Variants in MEF2D observed in about 807,000 individuals in gnomAD.
MEF2D encodes the protein myocyte-specific enhancer factor 2D.
Under a neutral mutation model 59.3 loss-of-function variants are expected in MEF2D, and 10 were observed. That is an observed-to-expected ratio of 0.17 (90% CI 0.10 to 0.29). MEF2D has a LOEUF of 0.29. MEF2D is among the 10% of genes least tolerant of loss of function. MEF2D has a pLI of 1.00. For missense variants in MEF2D, 508 were observed against 699.4 expected (o/e 0.73, Z 3.09); for synonymous variants, 305 against 295.0 (o/e 1.03, Z -0.35).
Position 156,467,630 on chromosome 1 carries a change from G to A in MEF2D, c.*15C>T. The stretch of plus-strand genomic sequence containing the variant: ...CTCTTCATCAGGGAGGCTGAGAGGA[G>A]GGGAGTGGGAATCGTCACTTTAATG... On this transcript the variant is annotated 3_prime_UTR_variant, in exon 12 of 12. Coordinates refer to ENST00000348159, the MANE Select transcript of MEF2D (RefSeq NM_005920.4). 1.5e-6 allele frequency: 2 copies of A among 1,322,014 alleles called. No homozygotes were observed. Among genetic ancestry groups the A allele is most frequent in the Non-Finnish European group, 1.9e-6 (2 of 1,026,782 alleles). 81.9% of individuals were successfully genotyped at this position (1,322,014 alleles called of 1,614,324 possible). A position where few individuals can be genotyped will look rare whatever the true frequency, so the allele number is the denominator to read the frequency against.
Position 156,468,125 on chromosome 1 carries a change from G to C in MEF2D, c.1422C>G (p.Ala474=). ...PEPGDGLSSP[A]GGSYETGDRD... ...GGTCTCCCGTCTCATAGGATCCCCC[G>C]GCTGGGCTGCTGAGACCATCGCCAG... Residue 474 remains alanine (A), a synonymous_variant, in exon 11 of 12, where the codon GCC becomes GCG. Transcript: ENST00000348159. This position sits in a 1 kb window ranked among gnomAD's most constrained non-coding sequence, Gnocchi z 4.3. 6.2e-7 allele frequency: 1 copy of C among 1,614,026 alleles called. No individual in the cohort carries two copies. Among genetic ancestry groups the C allele is most frequent in the Admixed American group, 1.7e-5 (1 of 60,016 alleles).
At position 156,467,475 on chromosome 1, in the gene MEF2D, A is replaced by T. The variant is rs887106987; in HGVS notation, c.*170T>A. On this transcript the variant is annotated 3_prime_UTR_variant, in exon 12 of 12. Transcript: ENST00000348159. ...CGAGAATCCAAATTAAAAAAAATAT[A>T]ATAATAATAATAATAATATAATAAT... The T allele has an allele frequency of 3.3e-5, 10 of 303,722 alleles. No individual in the cohort carries two copies. The highest frequency in any genetic ancestry group is 3.1e-4 in the East Asian group (5 of 15,972). 18.8% of individuals were successfully genotyped at this position (303,722 alleles called of 1,614,324 possible).
chr1:156,493,168 G>C (rs1672915106), intron 1 of MEF2D, among the ~76,000 whole-genome samples: 2 of 152,194 alleles, frequency 1.3e-5, no homozygotes, highest in Non-Finnish European at 2.9e-5. Flanking sequence ...TGGGACATGA[G>C]AGCTAAGAGA....
chr1:156,478,963 T>C (rs1250203213), intron 6 of MEF2D, among the ~76,000 whole-genome samples: 1 of 152,208 alleles, frequency 6.6e-6, no homozygotes, highest in Non-Finnish European at 1.5e-5. Context: ...GTTGTTTGTC[T>C]AGGGAACGCC....
chr1:156,472,031 G>A (rs1671264474), intron 9 of MEF2D, among the ~76,000 whole-genome samples: 1 of 152,190 alleles, frequency 6.6e-6, no homozygotes, highest in African/African-American at 2.4e-5. Context: ...TCCCAGGTTG[G>A]CTGACACCAA....
At chr1:156,493,721 C>T (rs1030469376) in intron 1 of MEF2D, among the ~76,000 whole-genome samples, 1 of 152,170 alleles carries the variant, frequency 6.6e-6, no homozygotes, top group Non-Finnish European at 1.5e-5. Flanking sequence ...CTCTGCCTAC[C>T]AAGTTTTCCT....
chr1:156,467,950 G>C, intron 11 of MEF2D, 43 bp downstream of exon 11: 1 of 1,579,916 alleles, frequency 6.3e-7, no homozygotes, highest in South Asian at 1.2e-5. Flanking sequence ...CAGTCCCTGG[G>C]TGTAGCAGAC....
Position 156,482,417 on chromosome 1 carries a change from G to T in MEF2D, c.258+20C>A. On this transcript the variant is annotated intron_variant, in intron 3 of 11. Transcript: ENST00000348159. ...GATGCAGGCGGGGGTATATCCTGGT[G>T]CCTGTGTGTATGGGCCCACCTCGAT... The T allele has an allele frequency of 6.2e-7, 1 of 1,613,026 alleles. No individual in the cohort carries two copies. Among genetic ancestry groups the T allele is most frequent in the South Asian group, 1.1e-5 (1 of 91,030 alleles).
At position 156,473,566 on chromosome 1, in the gene MEF2D, G is replaced by A. The variant is rs115543304; in HGVS notation, c.1006+1542C>T. ...GAATGCTCTGAAACAAGGGGACAAG[G>A]CGTTTCCTTACTGGCAAGTCCTTCT... On this transcript the variant is annotated intron_variant, in intron 9 of 11. Coordinates refer to ENST00000348159, the MANE Select transcript of MEF2D (RefSeq NM_005920.4). 2.6e-3 allele frequency among the ~76,000 whole-genome samples: 401 copies of A among 152,312 alleles called. 5 individuals carry two copies. Among genetic ancestry groups the A allele is most frequent in the African/African-American group, 9.2e-3 (383 of 41,564 alleles).
chr1:156,475,712 G>A (rs888634326), intron 8 of MEF2D, among the ~76,000 whole-genome samples: 2 of 152,210 alleles, frequency 1.3e-5, no homozygotes, highest in South Asian at 2.1e-4. Flanking sequence ...TCCATCTGCC[G>A]CTGAGTCACT....
At chr1:156,481,210 A>G (rs888423883) in intron 3 of MEF2D, among the ~76,000 whole-genome samples, 1 of 152,084 alleles carries the variant, frequency 6.6e-6, no homozygotes, top group African/African-American at 2.4e-5. Context: ...GGTGAGCCTA[A>G]CCTGGGGGTG....
Position 156,485,505 on chromosome 1 carries a change from C to T in MEF2D, c.-138-2075G>A, listed in dbSNP as rs180799676. On this transcript the variant is annotated intron_variant, in intron 1 of 11. Transcript: ENST00000348159. The stretch of plus-strand genomic sequence containing the variant: ...AATGCATTGCGCTTCAAACGACTCC[C>T]TACCCTTCTCCTTCTTCTTTTTTTT... Among the ~76,000 whole-genome samples, 572 of 148,656 alleles carry T rather than the reference C, an allele frequency of 3.8e-3. 5 individuals are homozygous for T. The highest frequency in any genetic ancestry group is 0.013 in the African/African-American group (530 of 40,182).
Position 156,468,677 on chromosome 1 carries a change from G to A in MEF2D, c.1247+103C>T, listed in dbSNP as rs897491964. ...TGTGCAGTGCACAGCCTCATAGGAT[G>A]TCCACTAGAACCCTGCAGGGAACCC... On this transcript the variant is annotated intron_variant, in intron 10 of 11. Coordinates refer to ENST00000348159, the MANE Select transcript of MEF2D (RefSeq NM_005920.4). The surrounding 1 kb of genome is among the most constrained non-coding windows in gnomAD (Gnocchi z 4.3). 5 of 1,521,784 alleles carry A rather than the reference G, an allele frequency of 3.3e-6. No homozygotes were observed. The African/African-American group carries it at 5.5e-5, about 17-fold the overall frequency. The allele number at this position is 1,521,784 out of a possible 1,614,324, so 94.3% of individuals were successfully genotyped here.
chr1:156,482,070 T>G (rs1571245316), intron 3 of MEF2D, among the ~76,000 whole-genome samples: 1 of 152,072 alleles, frequency 6.6e-6, no homozygotes, highest in East Asian at 1.9e-4. Context: ...AAGAGGCAGG[T>G]GCAGGAGCAC....
chr1:156,479,661 G>A lies in MEF2D; in HGVS notation c.532C>T (p.Leu178Phe), dbSNP rs1234866587. ...AGTGCTGGCTGCTGGGGGGACAGGA[G>A]CCGCGGGTCCGTGAGGGATGATGTC... Reference protein sequence around the residue: ...LVTSSLTDPRLLSPQQPALQR... With the variant: ...LVTSSLTDPRFLSPQQPALQR... The change falls in exon 5 of 12, where the codon CTC becomes TTC. Residue 178 changes from leucine (L) to phenylalanine (F), a missense_variant. Transcript: ENST00000348159. 6.4e-7 allele frequency: 1 copy of A among 1,552,194 alleles called. No individual in the cohort carries two copies. The highest frequency in any genetic ancestry group is 2.4e-5 in the East Asian group (1 of 41,082).
chr1:156,478,505 T>A (rs1287330987), intron 6 of MEF2D, among the ~76,000 whole-genome samples: 2 of 151,842 alleles, frequency 1.3e-5, no homozygotes, highest in Non-Finnish European at 1.5e-5. Flanking sequence ...CTGCCAGGGG[T>A]TGGGGGGCAG....
intron 8 of MEF2D, 151 bp from the exon 9 acceptor site, chr1:156,475,388 T>C (rs527362619): frequency 7.4e-4 from 646 of 870,098 alleles, no homozygotes; most frequent in Non-Finnish European, 1.0e-3. Flanking sequence ...CAAACACACG[T>C]TGGTGCATTC....
intron 11 of MEF2D, 98 bp downstream of exon 11, chr1:156,467,895 A>G: frequency 6.9e-7 from 1 of 1,449,638 alleles, no homozygotes; most frequent in Non-Finnish European, 9.3e-7. Context: ...GCCGGCCACA[A>G]GGCCTCTTGG....
In MEF2D at chr1:156,475,233, T is replaced by G. The variant is rs781188399; in HGVS notation, c.881A>C (p.Asn294Thr). ...CTGGGAGACCCCAAGGCGCTGGGCA[T>G]TGTTCTGTAGGAGAAAACTGTCCGT... The part of the protein sequence containing the change: ...HLTEDHLDLN[N>T]AQRLGVSQST... Residue 294 changes from asparagine to threonine, a missense_variant, in exon 9 of 12, where the codon AAT becomes ACT. Physicochemically the swap from Asn to Thr is moderately conservative, Grantham distance 65. Around this residue, in one of 2 missense-constraint regions of MEF2D, gnomAD observed 481 missense variants for 584.7 expected, o/e 0.82. Coordinates refer to ENST00000348159, the MANE Select transcript of MEF2D (RefSeq NM_005920.4). 5 of 1,608,278 alleles carry G rather than the reference T, an allele frequency of 3.1e-6. No individual in the cohort carries two copies. The African/African-American group carries it at 6.7e-5, about 22-fold the overall frequency.
Sources: allele counts gnomAD v4.1 joint callset (sites outside exome capture counted in the v4.1 genomes callset), GRCh38; gene constraint gnomAD v4.1.1; regional missense constraint gnomAD v4.1.1; non-coding constraint Gnocchi (gnomAD v3.1); transcripts MANE v1.5; gene names NCBI Gene and HGNC (gene_info 2026-07-23, HGNC 2026-07-21).